SELP: variants seen among roughly 807,000 people sequenced by gnomAD.
The protein encoded by SELP is selectin P.
In SELP, 92 loss-of-function variants were observed where a neutral mutation model predicts 104.1. The ratio of observed to expected loss-of-function variants is 0.88; its 90% confidence interval spans 0.75 to 1.05. The LOEUF is 1.05. SELP is among the 50% of genes least tolerant of loss of function. The pLI is 0.00. For missense variants in SELP, 1,022 were observed against 1,017.3 expected (o/e 1.00, Z -0.06); for synonymous variants, 397 against 364.5 (o/e 1.09, Z -1.01).
At chr1:169,620,114 A>G (rs1357612298) in intron 1 of SELP, among the ~76,000 whole-genome samples, 1 of 152,106 alleles carries the variant, frequency 6.6e-6, no homozygotes, top group Non-Finnish European at 1.5e-5. Context: ...AGGTCGAGGC[A>G]GGAGAATCGC....
intron 1 of SELP, among the ~76,000 whole-genome samples, chr1:169,620,399 T>TA (rs1663038958): frequency 7.1e-6 from 1 of 141,458 alleles, no homozygotes; most frequent in Non-Finnish European, 1.6e-5. Flanking sequence ...TTTTTTTTTT[T>TA]AACCTTCATT....
intron 8 of SELP, among the ~76,000 whole-genome samples, chr1:169,608,241 T>G (rs1244548284): frequency 1.3e-5 from 2 of 151,938 alleles, no homozygotes; most frequent in Non-Finnish European, 2.9e-5. Flanking sequence ...CAATATCAAG[T>G]GTACAGTTCA....
intron 1 of SELP, among the ~76,000 whole-genome samples, chr1:169,620,378 AC>A (rs1399320654): frequency 8.4e-6 from 1 of 118,832 alleles, no homozygotes; most frequent in African/African-American, 3.3e-5. Context: ...TTTCCACTGT[AC>A]TTTTTTTTTT....
intron 3 of SELP, 109 bp from the exon 4 acceptor site, chr1:169,613,802 C>A: frequency 1.2e-6 from 1 of 864,488 alleles, no homozygotes. Flanking sequence ...ACTGAGCTAG[C>A]CAGACAAGAG....
intron 1 of SELP, among the ~76,000 whole-genome samples, chr1:169,625,455 T>C (rs1434019673): frequency 3.3e-5 from 5 of 152,222 alleles, no homozygotes; most frequent in Non-Finnish European, 1.5e-5. Flanking sequence ...CTGTTTCCAA[T>C]GTCCTCTAAT....
At chr1:169,614,092 T>C (rs918464635) in intron 3 of SELP, among the ~76,000 whole-genome samples, 1 of 152,204 alleles carries the variant, frequency 6.6e-6, no homozygotes, top group African/African-American at 2.4e-5. Context: ...GCACCAGATG[T>C]GGGGCGTGGG....
intron 14 of SELP, among the ~76,000 whole-genome samples, chr1:169,593,230 A>G (rs1361195101): frequency 6.6e-6 from 1 of 152,212 alleles, no homozygotes; most frequent in Non-Finnish European, 1.5e-5. Flanking sequence ...GAAATGAGTG[A>G]AGTCAGGAAG....
intron 1 of SELP, among the ~76,000 whole-genome samples, chr1:169,626,839 C>A (rs957707038): frequency 2.0e-5 from 3 of 152,122 alleles, no homozygotes; most frequent in Non-Finnish European, 4.4e-5. Context: ...GGACTACAGG[C>A]ATGCATCACC....
At position 169,605,443 on chromosome 1, in the gene SELP, C is replaced by CATTA. The variant is rs1461765793; in HGVS notation, c.1519+1505_1519+1506insTAAT. On this transcript the variant is annotated intron_variant, in intron 9 of 16. Coordinates refer to ENST00000263686, the MANE Select transcript of SELP (RefSeq NM_003005.4). ...TCATTCATTCATTCATTCATTCATT[C>CATTA]ATTCATTTACTGTTGACCTAGCTTA... 3.3e-5 allele frequency among the ~76,000 whole-genome samples: 5 copies of CATTA among 150,800 alleles called. 1 individual carries two copies.
At chr1:169,621,391 G>T (rs1002770737) in intron 1 of SELP, among the ~76,000 whole-genome samples, 1 of 144,988 alleles carries the variant, frequency 6.9e-6, no homozygotes, top group Non-Finnish European at 1.5e-5. Context: ...GTCACACCCA[G>T]TGATGGATGA....
chr1:169,628,258 T>A (rs1663473583), intron 1 of SELP, among the ~76,000 whole-genome samples: 1 of 152,206 alleles, frequency 6.6e-6, no homozygotes. Context: ...AATCAAGAGC[T>A]ACTCCTCTGA....
At chr1:169,614,538 G>T (rs1182584655) in intron 3 of SELP, among the ~76,000 whole-genome samples, 2 of 152,274 alleles carry the variant, frequency 1.3e-5, no homozygotes, top group African/African-American at 4.8e-5. Flanking sequence ...TATTAATGAG[G>T]TCATAGTTGG....
At chr1:169,614,003 C>A (rs1000060349) in intron 3 of SELP, among the ~76,000 whole-genome samples, 3 of 152,174 alleles carry the variant, frequency 2.0e-5, no homozygotes, top group African/African-American at 4.8e-5. Context: ...CTATGTGGTA[C>A]AAAATGGGCT....
rs1370287262 is a variant in SELP at position 169,612,346 on chromosome 1, A to AT, written c.831_832insA (p.Ser278IlefsTer10). Reference sequence around the variant, plus strand: ...GACTGATGCTGGAATGCTTTTGCAGAATGAAGGCAGGTCATGTTTCCTCGT... The same window carrying AT: ...GACTGATGCTGGAATGCTTTTGCAGATATGAAGGCAGGTCATGTTTCCTCGT... On this transcript the variant is annotated frameshift_variant, in exon 6 of 17. Coordinates refer to ENST00000263686, the MANE Select transcript of SELP (RefSeq NM_003005.4). LOFTEE classifies it high-confidence loss of function. 3.1e-6 allele frequency: 5 copies of AT among 1,614,182 alleles called. No individual in the cohort carries two copies. In the South Asian group the frequency reaches 3.3e-5, roughly 11 times the overall value.
At chr1:169,605,686 T>G (rs1480138009) in intron 9 of SELP, among the ~76,000 whole-genome samples, 1 of 152,190 alleles carries the variant, frequency 6.6e-6, no homozygotes, top group Non-Finnish European at 1.5e-5. Flanking sequence ...ATATACATCA[T>G]AAAAATATTA....
At chr1:169,619,497 T>C (rs977968852) in intron 1 of SELP, among the ~76,000 whole-genome samples, 54 of 152,214 alleles carry the variant, frequency 3.5e-4, no homozygotes, top group African/African-American at 1.3e-3. Flanking sequence ...TATTTTAAGA[T>C]ACATTTTTAA....
At chr1:169,603,478 A>C (rs538525067) in intron 9 of SELP, among the ~76,000 whole-genome samples, 1 of 152,132 alleles carries the variant, frequency 6.6e-6, no homozygotes, top group East Asian at 1.9e-4. Flanking sequence ...TGAAGTGCTC[A>C]ATCACAAACA....
chr1:169,612,865 A>T, intron 5 of SELP, 64 bp downstream of exon 5: 1 of 1,357,756 alleles, frequency 7.4e-7, no homozygotes, highest in Non-Finnish European at 1.0e-6. Context: ...GAGAAAGCTC[A>T]TTGTGTCCTC....
At chr1:169,617,816 A>G (rs1469081331) in intron 2 of SELP, among the ~76,000 whole-genome samples, 1 of 152,256 alleles carries the variant, frequency 6.6e-6, no homozygotes, top group Non-Finnish European at 1.5e-5. Flanking sequence ...TCACATGGAA[A>G]ATAACATGCT....
Sources: gnomAD v4.1 joint callset for allele counts (sites outside exome capture counted in the v4.1 genomes callset) on GRCh38, gnomAD v4.1.1 for gene constraint, MANE v1.5 for transcripts, NCBI Gene and HGNC (gene_info 2026-07-23, HGNC 2026-07-21) for gene names.